The following INKA2 variants were observed in gnomAD, a reference collection of about 807,000 sequenced individuals.
INKA2 encodes PAK4-inhibitor INKA2.
Under a neutral mutation model 9.8 loss-of-function variants are expected in INKA2, and 3 were observed. That is an observed-to-expected ratio of 0.31 (90% CI 0.14 to 0.79). INKA2 has a LOEUF of 0.79. INKA2 is among the 30% of genes least tolerant of loss of function. The probability of loss-of-function intolerance (pLI) is 0.62; values close to 1 mark genes in which losing one functional copy is unlikely to be tolerated. For missense variants in INKA2, 392 were observed against 384.4 expected, an observed-to-expected ratio of 1.02 and a Z score of -0.17; for synonymous variants, 147 against 143.3, an observed-to-expected ratio of 1.03 and a Z score of -0.18.
upstream of INKA2, among the ~76,000 whole-genome samples, chr1:111,742,541 G>A (rs1163605683): frequency 6.6e-6 from 1 of 152,190 alleles, no homozygotes; most frequent in Non-Finnish European, 1.5e-5. Context: ...CCGAAATCGC[G>A]CCACTGCACT....
chr1:111,735,854 C>A (rs1662997538), intron 1 of INKA2, among the ~76,000 whole-genome samples: 1 of 152,192 alleles, frequency 6.6e-6, no homozygotes, highest in South Asian at 2.1e-4. Flanking sequence ...TCAGCTAGGA[C>A]AGACATTCCC....
upstream of INKA2, among the ~76,000 whole-genome samples, chr1:111,743,601 T>C (rs1663196739): frequency 1.3e-5 from 2 of 152,202 alleles, no homozygotes; most frequent in Admixed American, 6.5e-5. Context: ...CCAGATCCTA[T>C]GGCACCCACC....
intron 1 of INKA2, among the ~76,000 whole-genome samples, chr1:111,751,070 C>T (rs1256198288): frequency 1.3e-5 from 2 of 152,200 alleles, no homozygotes; most frequent in Non-Finnish European, 2.9e-5. Context: ...ACGCCTTATT[C>T]AGGATAAGCT....
At position 111,739,377 on chromosome 1, in the gene INKA2, G is replaced by A; in HGVS notation, c.-135C>T. 2.0e-6 allele frequency: 3 copies of A among 1,514,932 alleles called. No individual in the cohort carries two copies. The highest frequency in any genetic ancestry group is 1.4e-5 in the African/African-American group (1 of 71,016). The allele number at this position is 1,514,932 out of a possible 1,614,324, so 93.8% of individuals were successfully genotyped here. A position where few individuals can be genotyped will look rare whatever the true frequency, so the allele number is the denominator to read the frequency against. ...CAGCGCGGAGCTGAGCCTGCGCTCC[G>A]AGCCCGGGACTCAGAGTCGCTTCCC... On this transcript the variant is annotated 5_prime_UTR_variant, in exon 1 of 2. Coordinates refer to ENST00000357260, the MANE Select transcript of INKA2 (RefSeq NM_019099.5).
At chr1:111,746,974 A>G (rs1414944505) in intron 1 of INKA2, 1 of 152,234 alleles carries the variant, frequency 6.6e-6, no homozygotes, top group Non-Finnish European at 1.5e-5. Flanking sequence ...AAGTTTAAAA[A>G]TTACTAACAG....
intron 1 of INKA2, among the ~76,000 whole-genome samples, chr1:111,750,470 AG>A (rs1663381907): frequency 1.3e-5 from 2 of 152,222 alleles, no homozygotes; most frequent in Admixed American, 6.5e-5. Context: ...AGATGGTGCC[AG>A]TTCACTGAAC....
chr1:111,755,601 G>T, intron 1 of INKA2: 7 of 1,397,376 alleles, frequency 5.0e-6, no homozygotes, highest in African/African-American at 1.5e-5. Context: ...GGCGCCGGGG[G>T]CACGGCTGGG....
chr1:111,734,366 G>A (rs969449195), intron 1 of INKA2, among the ~76,000 whole-genome samples: 2 of 152,070 alleles, frequency 1.3e-5, no homozygotes, highest in Admixed American at 6.6e-5. Flanking sequence ...CAACTTCCTC[G>A]AACATCCAAG....
chr1:111,744,815 C>T (rs776310021), intron 1 of INKA2, among the ~76,000 whole-genome samples: 1 of 152,088 alleles, frequency 6.6e-6, no homozygotes, highest in Non-Finnish European at 1.5e-5. Context: ...CTCCTGACCT[C>T]GTGATCTGCC....
rs10610613 is a variant in INKA2, at chr1:111,725,729, GTTTTT to G, written c.*1234_*1238del. 17,966 of 175,396 alleles carry G rather than the reference GTTTTT, an allele frequency of 0.1. 974 individuals carry two copies. Among genetic ancestry groups the G allele is most frequent in the South Asian group, 0.12 (580 of 4,998 alleles). 10.9% of individuals were successfully genotyped at this position (175,396 alleles called of 1,614,324 possible). A position where few individuals can be genotyped will look rare whatever the true frequency, so the allele number is the denominator to read the frequency against. ...TGTGGGGTATGGGGCCCTACGAACTGTTTTTTTTTATTTTTTTTGAGACAGGGGAG... is the reference window on the plus strand; with the variant it reads ...TGTGGGGTATGGGGCCCTACGAACTGTTTTATTTTTTTTGAGACAGGGGAG... On this transcript the variant is annotated 3_prime_UTR_variant, in exon 2 of 2. Coordinates refer to ENST00000357260, the MANE Select transcript of INKA2 (RefSeq NM_019099.5).
intron 1 of INKA2, among the ~76,000 whole-genome samples, chr1:111,749,816 T>C (rs1055640044): frequency 6.6e-6 from 1 of 152,158 alleles, no homozygotes; most frequent in African/African-American, 2.4e-5. Context: ...CTGAATATGA[T>C]TAGCAGAAAC....
upstream of INKA2, among the ~76,000 whole-genome samples, chr1:111,743,487 C>T (rs1663189871): frequency 6.6e-6 from 1 of 152,164 alleles, no homozygotes; most frequent in Admixed American, 6.5e-5. Context: ...GCCTGAAGCT[C>T]CTGGCACCTA....
chr1:111,737,606 G>A (rs1663034294), intron 1 of INKA2, among the ~76,000 whole-genome samples: 1 of 152,190 alleles, frequency 6.6e-6, no homozygotes, highest in African/African-American at 2.4e-5. Context: ...AATGAGAATT[G>A]TGTACGTGTG....
At chr1:111,750,722 CT>C (rs1557917556) in intron 1 of INKA2, among the ~76,000 whole-genome samples, 2 of 152,212 alleles carry the variant, frequency 1.3e-5, no homozygotes, top group Admixed American at 6.5e-5. Context: ...GCTCCAAAGT[CT>C]GCAAGTTAAG....
chr1:111,730,054 C>T (rs1662872769), intron 1 of INKA2, among the ~76,000 whole-genome samples: 2 of 152,210 alleles, frequency 1.3e-5, no homozygotes, highest in Non-Finnish European at 2.9e-5. Flanking sequence ...GAATGGGGGG[C>T]AGTGGCAGGA....
chr1:111,739,463 G>A (rs1663092879), upstream of INKA2: 8 of 1,406,944 alleles, frequency 5.7e-6, no homozygotes, highest in South Asian at 9.2e-5. Flanking sequence ...CAGCCAATGA[G>A]AATTCAGGGG....
In INKA2 at chr1:111,739,193, T is replaced by C. The variant is rs1663080972; in HGVS notation, c.50A>G (p.Gln17Arg). The C allele has an allele frequency of 1.9e-6, 3 of 1,613,644 alleles. No individual in the cohort carries two copies. The highest frequency in any genetic ancestry group is 2.5e-6 in the Non-Finnish European group (3 of 1,179,720). ...EMDCYLRRLK[Q>R]ELMSMKEVGD... ...CGCCAGCTTCGCTCTTACCAGCTCC[T>C]GTTTGAGGCGACGGAGATAGCAGTC... The change falls in exon 1 of 2, where the codon CAG becomes CGG. Residue 17 changes from glutamine to arginine, a missense_variant. Coordinates refer to ENST00000357260, the MANE Select transcript of INKA2 (RefSeq NM_019099.5).
chr1:111,754,449 A>C (rs907816628), intron 1 of INKA2: 1 of 152,228 alleles, frequency 6.6e-6, no homozygotes, highest in Non-Finnish European at 1.5e-5. Context: ...AGGGACAATG[A>C]CCAGCATTAT....
At chr1:111,742,442 T>C (rs1663170270), upstream of INKA2, among the ~76,000 whole-genome samples, 1 of 152,092 alleles carries the variant, frequency 6.6e-6, no homozygotes, top group Non-Finnish European at 1.5e-5. Context: ...CAAATTAGCC[T>C]GGTGCGGTGG....
Sources: allele counts gnomAD v4.1 joint callset (sites outside exome capture counted in the v4.1 genomes callset), GRCh38; gene constraint gnomAD v4.1.1; transcripts MANE v1.5; gene names NCBI Gene and HGNC (gene_info 2026-07-23, HGNC 2026-07-21).